Variants in SLC22A4 observed in about 807,000 individuals in gnomAD.
SLC22A4 encodes the protein solute carrier family 22 member 4.
SLC22A4 carries 39 observed loss-of-function variants against 56.6 expected under a neutral mutation model. That is an observed-to-expected ratio of 0.69 (90% CI 0.53 to 0.90). The LOEUF (loss-of-function observed/expected upper bound fraction) is 0.90, where lower values mean the gene tolerates loss of function less well. SLC22A4 is among the 40% of genes least tolerant of loss of function. The pLI is 0.00. For missense variants in SLC22A4, 594 were observed against 696.5 expected (o/e 0.85, Z 1.66); for synonymous variants, 241 against 281.4 (o/e 0.86, Z 1.44).
At chr5:132,299,393 CGTTTT>C (rs1479268292) in intron 1 of SLC22A4, among the ~76,000 whole-genome samples, 3 of 115,492 alleles carry the variant, frequency 2.6e-5, no homozygotes, top group African/African-American at 7.4e-5. Flanking sequence ...AATTATTTTT[CGTTTT>C]ATTTTATTTT....
intron 4 of SLC22A4, among the ~76,000 whole-genome samples, chr5:132,326,126 A>G (rs925731718): frequency 1.3e-5 from 2 of 152,186 alleles, no homozygotes; most frequent in African/African-American, 4.8e-5. Flanking sequence ...CCTCTTCAAT[A>G]AAGCTGTTTT....
At chr5:132,333,901 G>A (rs961372819) in intron 6 of SLC22A4, among the ~76,000 whole-genome samples, 9 of 152,140 alleles carry the variant, frequency 5.9e-5, no homozygotes, top group Non-Finnish European at 1.3e-4. Flanking sequence ...CGCCTCCTGG[G>A]TTCAAGCAAT....
intron 3 of SLC22A4, among the ~76,000 whole-genome samples, chr5:132,314,856 G>A (rs1750291124): frequency 6.6e-6 from 1 of 152,220 alleles, no homozygotes; most frequent in Non-Finnish European, 1.5e-5. Flanking sequence ...CTCAGCCTCA[G>A]TGTCTGCAGA....
chr5:132,328,830 TATATATATACACACACAC>T (rs1750761446), intron 5 of SLC22A4, among the ~76,000 whole-genome samples: 1 of 24,736 alleles, frequency 4.0e-5, no homozygotes, highest in Non-Finnish European at 1.2e-4. Context: ...CCTTTATATA[TATATATATACACACACAC>T]ACACACACAC....
intron 1 of SLC22A4, among the ~76,000 whole-genome samples, chr5:132,306,373 C>A (rs1303031363): frequency 1.1e-5 from 1 of 92,992 alleles, no homozygotes; most frequent in Non-Finnish European, 2.1e-5. Flanking sequence ...CGTGGTAGAC[C>A]CAAACCGTGA....
intron 1 of SLC22A4, among the ~76,000 whole-genome samples, chr5:132,299,494 A>G (rs1216802988): frequency 6.6e-6 from 1 of 151,872 alleles, no homozygotes; most frequent in Admixed American, 6.6e-5. Context: ...CAATGGTGCC[A>G]TCTCGGCTCA....
chr5:132,313,791 G>A lies in SLC22A4; in HGVS notation c.652+23G>A, dbSNP rs752234942. 2.5e-6 allele frequency: 4 copies of A among 1,612,604 alleles called. No homozygotes were observed. In the African/African-American group the frequency reaches 5.3e-5, roughly 22 times the overall value. The stretch of plus-strand genomic sequence containing the variant: ...TAGGTAGGAATGGCTTCTGGGACAT[G>A]GGGTGCTTCCCTCTAACCCTCTGAA... On this transcript the variant is annotated intron_variant, in intron 3 of 9. Coordinates refer to ENST00000200652, the MANE Select transcript of SLC22A4 (RefSeq NM_003059.3).
At chr5:132,300,169 T>TACC (rs2126699720) in intron 1 of SLC22A4, among the ~76,000 whole-genome samples, 1 of 152,352 alleles carries the variant, frequency 6.6e-6, no homozygotes, top group East Asian at 1.9e-4. Context: ...CACTTTTTGG[T>TACC]AATGATACCT....
chr5:132,319,535 T>G (rs956203279), intron 3 of SLC22A4, among the ~76,000 whole-genome samples: 2 of 152,308 alleles, frequency 1.3e-5, no homozygotes, highest in South Asian at 4.1e-4. Flanking sequence ...CAATTGGCTT[T>G]AACTCTGAAG....
chr5:132,319,342 A>G (rs1486614281), intron 3 of SLC22A4, among the ~76,000 whole-genome samples: 2 of 151,944 alleles, frequency 1.3e-5, no homozygotes, highest in East Asian at 3.8e-4. Flanking sequence ...AACTGTAAAA[A>G]TGACAGCAGG....
chr5:132,334,775 A>G lies in SLC22A4; in HGVS notation c.1104A>G (p.Gly368=). ...CTCTGGATGCTCCTAATTTACATGG[A>G]GATGCCTACCTGAACTGTTTCCTCT... ...ALSLDAPNLH[G]DAYLNCFLSA... Residue 368 remains glycine, a synonymous_variant, in exon 7 of 10, where the codon GGA becomes GGG. Coordinates refer to ENST00000200652, the MANE Select transcript of SLC22A4 (RefSeq NM_003059.3). 1 of 1,614,092 alleles carries G rather than the reference A, an allele frequency of 6.2e-7. No individual in the cohort carries two copies. The highest frequency in any genetic ancestry group is 8.5e-7 in the Non-Finnish European group (1 of 1,179,970).
intron 1 of SLC22A4, among the ~76,000 whole-genome samples, chr5:132,300,074 T>G (rs1389609268): frequency 1.3e-5 from 2 of 152,252 alleles, no homozygotes; most frequent in Non-Finnish European, 2.9e-5. Flanking sequence ...TTATCTTTCA[T>G]GATCTTGACA....
At chr5:132,315,167 A>G (rs1750306684) in intron 3 of SLC22A4, among the ~76,000 whole-genome samples, 1 of 152,176 alleles carries the variant, frequency 6.6e-6, no homozygotes, top group Non-Finnish European at 1.5e-5. Flanking sequence ...CCCAGAATCC[A>G]TCTTCCATGT....
At chr5:132,329,336 TC>T (rs1292113998) in intron 5 of SLC22A4, among the ~76,000 whole-genome samples, 2 of 152,078 alleles carry the variant, frequency 1.3e-5, no homozygotes, top group African/African-American at 2.4e-5. Flanking sequence ...TGAGGCCTGG[TC>T]ATCTCCCCTG....
At chr5:132,317,692 A>G (rs1414478011) in intron 3 of SLC22A4, among the ~76,000 whole-genome samples, 3 of 152,214 alleles carry the variant, frequency 2.0e-5, no homozygotes, top group African/African-American at 7.2e-5. Context: ...TGGTGATTCT[A>G]TATTTAACCT....
At chr5:132,309,327 C>T (rs189835754) in intron 1 of SLC22A4, among the ~76,000 whole-genome samples, 226 of 152,360 alleles carry the variant, frequency 1.5e-3, no homozygotes, top group African/African-American at 5.1e-3. Context: ...CATGGGCAGC[C>T]ATGCAGTCTA....
chr5:132,331,045 C>T (rs1274364312), intron 5 of SLC22A4, among the ~76,000 whole-genome samples: 1 of 152,028 alleles, frequency 6.6e-6, no homozygotes, highest in African/African-American at 2.4e-5. Flanking sequence ...TAAATGACTA[C>T]AACAAGAGAA....
rs754423266 is a variant in SLC22A4, at chr5:132,335,860, T to G, written c.1304T>G (p.Phe435Cys). 83 of 1,614,016 alleles carry G rather than the reference T, an allele frequency of 5.1e-5. No homozygotes were observed. Among genetic ancestry groups the G allele is most frequent in the Non-Finnish European group, 2.1e-5 (25 of 1,180,024 alleles). ...ATTGGTCTGGTCATGCTGGGAAAAT[T>G]TGGGATCACCTCTGCTTTCTCCATG... The part of the protein sequence containing the change: ...LSIGLVMLGK[F>C]GITSAFSMLY... The change falls in exon 8 of 10, where the codon TTT becomes TGT. Residue 435 changes from phenylalanine to cysteine, a missense_variant. Phe to Cys is a radical substitution (Grantham distance 205, BLOSUM62 -2). Transcript: ENST00000200652.
chr5:132,304,631 A>C (rs1277428009), intron 1 of SLC22A4, among the ~76,000 whole-genome samples: 1 of 152,206 alleles, frequency 6.6e-6, no homozygotes, highest in Non-Finnish European at 1.5e-5. Flanking sequence ...AAGAAGAAGA[A>C]GAAAGATCAG....
Sources: allele counts gnomAD v4.1 joint callset (sites outside exome capture counted in the v4.1 genomes callset), GRCh38; gene constraint gnomAD v4.1.1; transcripts MANE v1.5; gene names NCBI Gene and HGNC (gene_info 2026-07-23, HGNC 2026-07-21).